The following SEC61A2 variants were observed in gnomAD, a reference collection of about 807,000 sequenced individuals.
SEC61A2 encodes protein transport protein Sec61 subunit alpha isoform 2.
SEC61A2 carries 28 observed loss-of-function variants against 59.9 expected under a neutral mutation model. The observed-to-expected ratio is 0.47, with a 90% confidence interval of 0.35 to 0.64. The LOEUF (loss-of-function observed/expected upper bound fraction) is 0.64, where lower values mean the gene tolerates loss of function less well. Ranked by LOEUF, SEC61A2 falls within the 30% of genes least tolerant of loss-of-function variation. The probability of loss-of-function intolerance (pLI) is 0.01; values close to 1 mark genes in which losing one functional copy is unlikely to be tolerated. For missense variants in SEC61A2, 340 were observed against 585.9 expected, an observed-to-expected ratio of 0.58 and a Z score of 4.33; for synonymous variants, 202 against 214.4, an observed-to-expected ratio of 0.94 and a Z score of 0.50.
At chr10:12,132,252 G>A (rs1833767787) in intron 1 of SEC61A2, among the ~76,000 whole-genome samples, 1 of 151,508 alleles carries the variant, frequency 6.6e-6, no homozygotes, top group African/African-American at 2.4e-5. Context: ...AGTGAGCCGA[G>A]ATGGCGGCAC....
At chr10:12,137,483 A>G (rs1339826957) in intron 3 of SEC61A2, among the ~76,000 whole-genome samples, 3 of 149,332 alleles carry the variant, frequency 2.0e-5, no homozygotes, top group Non-Finnish European at 4.5e-5. Context: ...TTCTTTTGGT[A>G]TTGTAGAGAT....
intron 4 of SEC61A2, among the ~76,000 whole-genome samples, chr10:12,144,547 G>GT (rs1834096385): frequency 6.6e-6 from 1 of 152,214 alleles, no homozygotes; most frequent in South Asian, 2.1e-4. Flanking sequence ...GATTAGAGCA[G>GT]TGAACAAGAC....
Position 12,145,250 on chromosome 10 carries a change from T to A in SEC61A2, c.220+2055T>A, listed in dbSNP as rs1311507527. 6.6e-6 allele frequency among the ~76,000 whole-genome samples: 1 copy of A among 151,934 alleles called. No individual in the cohort carries two copies. The highest frequency in any genetic ancestry group is 1.9e-4 in the East Asian group (1 of 5,178). On this transcript the variant is annotated intron_variant, in intron 4 of 11. Transcript: ENST00000298428. The surrounding 1 kb of genome is among the most constrained non-coding windows in gnomAD (Gnocchi z 4.4). ...TTTCTTGTCATATATTACGTTTTTT[T>A]CCCCCCGATTTTATATCATTATAAA... is the stretch of plus-strand genomic sequence containing the variant.
At chr10:12,131,985 A>C (rs78878283) in intron 1 of SEC61A2, among the ~76,000 whole-genome samples, 36,535 of 36,538 alleles carry the variant, frequency 1, 18,266 homozygotes, top group Middle Eastern at 1. Context: ...GCGTGAGCCA[A>C]CAAGCCCGGC....
Position 12,158,171 on chromosome 10 carries a change from T to C in SEC61A2, c.975+66T>C, listed in dbSNP as rs1249230633. On this transcript the variant is annotated intron_variant, in intron 9 of 11. Coordinates refer to ENST00000298428, the MANE Select transcript of SEC61A2 (RefSeq NM_018144.4). The surrounding 1 kb of genome is among the most constrained non-coding windows in gnomAD (Gnocchi z 5.7). ...AATTTGCATTTCATGGTTGTATTTT[T>C]AATGGAATGAGGTCGACATTGGAGC... 2.3e-6 allele frequency: 3 copies of C among 1,293,170 alleles called. No homozygotes were observed. The highest frequency in any genetic ancestry group is 3.3e-6 in the Non-Finnish European group (3 of 913,512). The allele number at this position is 1,293,170 out of a possible 1,614,324, so 80.1% of individuals were successfully genotyped here. A position where few individuals can be genotyped will look rare whatever the true frequency, so the allele number is the denominator to read the frequency against.
Position 12,155,589 on chromosome 10 carries a change from C to T in SEC61A2, c.463-189C>T, listed in dbSNP as rs1472111197. ...ATAATACAACAGTATTTCCAGTCCT[C>T]TTACTGTTCTAGATTGGCCTGAGTA... is the stretch of plus-strand genomic sequence containing the variant. On this transcript the variant is annotated intron_variant, in intron 6 of 11. Transcript: ENST00000298428. The surrounding 1 kb of genome is among the most constrained non-coding windows in gnomAD (Gnocchi z 4.3). Among the ~76,000 whole-genome samples, 1 of 152,182 alleles carries T rather than the reference C, an allele frequency of 6.6e-6. No individual in the cohort carries two copies. Among genetic ancestry groups the T allele is most frequent in the Non-Finnish European group, 1.5e-5 (1 of 68,030 alleles).
At position 12,154,737 on chromosome 10, in the gene SEC61A2, A is replaced by C. The variant is rs1438943670; in HGVS notation, c.463-1041A>C. On this transcript the variant is annotated intron_variant, in intron 6 of 11. Transcript: ENST00000298428. The surrounding 1 kb of genome is among the most constrained non-coding windows in gnomAD (Gnocchi z 5.2). ...TGAAATGGCAGTTAAGGAGAAAAAC[A>C]ACACTGTGTAAGGTAAGCATGCCTA... is the stretch of plus-strand genomic sequence containing the variant. Among the ~76,000 whole-genome samples, 2 of 152,194 alleles carry C rather than the reference A, an allele frequency of 1.3e-5. No homozygotes were observed. The highest frequency in any genetic ancestry group is 3.8e-4 in the East Asian group (2 of 5,200).
Position 12,160,962 on chromosome 10 carries a change from C to T in SEC61A2, c.1008C>T (p.Tyr336=). Residue 336 remains tyrosine, a synonymous_variant, in exon 10 of 12, where the codon TAC becomes TAT. Coordinates refer to ENST00000298428, the MANE Select transcript of SEC61A2 (RefSeq NM_018144.4). The surrounding 1 kb of genome is among the most constrained non-coding windows in gnomAD (Gnocchi z 4.1). The part of the protein sequence containing the change: ...DVSGGGPARS[Y]PVGGLCYYLS... ...GTGGGGGAGGACCCGCACGTTCTTA[C>T]CCAGTTGGAGGCCTTTGTTACTATC... 4 of 1,613,990 alleles carry T rather than the reference C, an allele frequency of 2.5e-6. No homozygotes were observed. Among genetic ancestry groups the T allele is most frequent in the Non-Finnish European group, 3.4e-6 (4 of 1,179,936 alleles).
At chr10:12,137,099 G>A (rs898266435) in intron 3 of SEC61A2, among the ~76,000 whole-genome samples, 7 of 151,258 alleles carry the variant, frequency 4.6e-5, no homozygotes, top group Non-Finnish European at 8.9e-5. Flanking sequence ...AAATAGAGAC[G>A]GGGTCTATGT....
chr10:12,164,251 G>A lies in SEC61A2; in HGVS notation c.1245-17G>A. ...CCTGGTCTCTGCTGCCGCCTAACTT[G>A]GGGTTCTGTCTCCTAGGTACATCCC... On this transcript the variant is annotated splice_polypyrimidine_tract_variant and intron_variant, in intron 11 of 11. Coordinates refer to ENST00000298428, the MANE Select transcript of SEC61A2 (RefSeq NM_018144.4). The surrounding 1 kb of genome is among the most constrained non-coding windows in gnomAD (Gnocchi z 7.3). 6.2e-7 allele frequency: 1 copy of A among 1,611,410 alleles called. No homozygotes were observed. Among genetic ancestry groups the A allele is most frequent in the Non-Finnish European group, 8.5e-7 (1 of 1,179,686 alleles).
rs1834517916 is a variant in SEC61A2 at position 12,161,180 on chromosome 10, G to A, written c.1167+59G>A. On this transcript the variant is annotated intron_variant, in intron 10 of 11. Coordinates refer to ENST00000298428, the MANE Select transcript of SEC61A2 (RefSeq NM_018144.4). The surrounding 1 kb of genome is among the most constrained non-coding windows in gnomAD (Gnocchi z 5.4). ...TGGCAATGCATGGTGGCGCACATCT[G>A]TAATCGTAGCACTTTGGCAGGCTGA... 7.1e-7 allele frequency: 1 copy of A among 1,404,076 alleles called. No homozygotes were observed. Among genetic ancestry groups the A allele is most frequent in the African/African-American group, 1.4e-5 (1 of 69,356 alleles). 87.0% of individuals were successfully genotyped at this position (1,404,076 alleles called of 1,614,324 possible). A position where few individuals can be genotyped will look rare whatever the true frequency, so the allele number is the denominator to read the frequency against.
At chr10:12,167,864 C>T (rs547031225), downstream of SEC61A2, 3 of 1,606,466 alleles carry the variant, frequency 1.9e-6, no homozygotes, top group African/African-American at 4.0e-5. Context: ...AAGGACAAAA[C>T]ATCTTATTCA....
In SEC61A2 at chr10:12,142,872, C is replaced by T. The variant is rs1390345300; in HGVS notation, c.142-245C>T. ...TAAACAGCTTTACCTTGAAGATATG[C>T]TTGTTTTTGTTGAAGAACATAAGAA... On this transcript the variant is annotated intron_variant, in intron 3 of 11. Transcript: ENST00000298428. The surrounding 1 kb of genome is among the most constrained non-coding windows in gnomAD (Gnocchi z 5.4). Among the ~76,000 whole-genome samples the T allele has an allele frequency of 6.6e-6, 1 of 151,492 alleles. No homozygotes were observed. Among genetic ancestry groups the T allele is most frequent in the Non-Finnish European group, 1.5e-5 (1 of 67,896 alleles).
In SEC61A2 at chr10:12,155,595, G is replaced by C. The variant is rs192564308; in HGVS notation, c.463-183G>C. Among the ~76,000 whole-genome samples, 2 of 152,276 alleles carry C rather than the reference G, an allele frequency of 1.3e-5. No homozygotes were observed. Among genetic ancestry groups the C allele is most frequent in the Non-Finnish European group, 2.9e-5 (2 of 68,022 alleles). On this transcript the variant is annotated intron_variant, in intron 6 of 11. Coordinates refer to ENST00000298428, the MANE Select transcript of SEC61A2 (RefSeq NM_018144.4). The surrounding 1 kb of genome is among the most constrained non-coding windows in gnomAD (Gnocchi z 4.3). ...CAACAGTATTTCCAGTCCTCTTACT[G>C]TTCTAGATTGGCCTGAGTAAATGAA...
chr10:12,133,892 G>A (rs1231223449), intron 2 of SEC61A2, among the ~76,000 whole-genome samples: 1 of 152,154 alleles, frequency 6.6e-6, no homozygotes, highest in East Asian at 1.9e-4. Flanking sequence ...ATCCTAGATT[G>A]GCCAATTTCT....
chr10:12,139,448 G>C (rs1042306031), intron 3 of SEC61A2, among the ~76,000 whole-genome samples: 8 of 151,482 alleles, frequency 5.3e-5, no homozygotes, highest in Admixed American at 3.3e-4. Context: ...TTGGGAGTTT[G>C]AGACCAGCCT....
chr10:12,140,705 C>T (rs1057008911), intron 3 of SEC61A2, among the ~76,000 whole-genome samples: 1 of 152,086 alleles, frequency 6.6e-6, no homozygotes, highest in African/African-American at 2.4e-5. Context: ...AAGCGATTCT[C>T]CTCCCTCAGC....
Position 12,160,983 on chromosome 10 carries a change from C to T in SEC61A2, c.1029C>T (p.Tyr343=), listed in dbSNP as rs765078020. ...CTTACCCAGTTGGAGGCCTTTGTTA[C>T]TATCTTTCTCCTCCTGAGTCCATGG... ...ARSYPVGGLC[Y]YLSPPESMGA... The change falls in exon 10 of 12, where the codon TAC becomes TAT. Residue 343 remains tyrosine, a synonymous_variant. Coordinates refer to ENST00000298428, the MANE Select transcript of SEC61A2 (RefSeq NM_018144.4). This position sits in a 1 kb window ranked among gnomAD's most constrained non-coding sequence, Gnocchi z 4.1. 6.2e-7 allele frequency: 1 copy of T among 1,614,092 alleles called. No homozygotes were observed. The highest frequency in any genetic ancestry group is 1.7e-5 in the Admixed American group (1 of 60,012).
At position 12,154,707 on chromosome 10, in the gene SEC61A2, A is replaced by T. The variant is rs1045790217; in HGVS notation, c.463-1071A>T. Among the ~76,000 whole-genome samples the T allele has an allele frequency of 2.0e-5, 3 of 152,230 alleles. No individual in the cohort carries two copies. The highest frequency in any genetic ancestry group is 4.4e-5 in the Non-Finnish European group (3 of 68,050). ...AAATAGACAAGTTAGGCTCTGTCCA[A>T]CTACTGAAATGGCAGTTAAGGAGAA... On this transcript the variant is annotated intron_variant, in intron 6 of 11. Coordinates refer to ENST00000298428, the MANE Select transcript of SEC61A2 (RefSeq NM_018144.4). The surrounding 1 kb of genome is among the most constrained non-coding windows in gnomAD (Gnocchi z 5.2).
Sources: gnomAD v4.1 joint callset for allele counts (sites outside exome capture counted in the v4.1 genomes callset) on GRCh38, gnomAD v4.1.1 for gene constraint, Gnocchi (gnomAD v3.1) non-coding constraint, MANE v1.5 for transcripts, NCBI Gene and HGNC (gene_info 2026-07-23, HGNC 2026-07-21) for gene names.